NFIB: variants seen among roughly 807,000 people sequenced by gnomAD.
NFIB encodes the protein nuclear factor 1 B-type.
Under a neutral mutation model 61.5 loss-of-function variants are expected in NFIB, and 11 were observed. The observed-to-expected ratio is 0.18, with a 90% CI of 0.11 to 0.30. The LOEUF (loss-of-function observed/expected upper bound fraction) is 0.30. Among genes scored for constraint, NFIB ranks in the 10% least tolerant of loss-of-function variants. The pLI is 1.00. For synonymous variants in NFIB, 260 were observed against 216.5 expected (o/e 1.20, Z -1.76); for missense variants, 471 against 608.9 (o/e 0.77, Z 2.38).
intron 2 of NFIB, among the ~76,000 whole-genome samples, chr9:14,189,444 T>A (rs2047699173): frequency 6.6e-6 from 1 of 152,076 alleles, no homozygotes; most frequent in Non-Finnish European, 1.5e-5. Flanking sequence ...AGGTAAGAGT[T>A]TAGTCTTAGT....
chr9:14,157,521 T>C (rs1416928991), intron 3 of NFIB, among the ~76,000 whole-genome samples: 6 of 152,308 alleles, frequency 3.9e-5, no homozygotes, highest in African/African-American at 1.4e-4. Context: ...ATATACATTT[T>C]TAAGAGTATT....
the NFIB span, among the ~76,000 whole-genome samples, chr9:14,456,901 T>C: frequency 1.3e-5 from 2 of 152,172 alleles, no homozygotes; most frequent in Non-Finnish European, 2.9e-5. Context: ...AAATGCAGAA[T>C]TGTTTGCAAA....
intron 3 of NFIB, among the ~76,000 whole-genome samples, chr9:14,158,368 AC>A (rs2043714440): frequency 1.3e-5 from 2 of 151,954 alleles, no homozygotes; most frequent in Non-Finnish European, 2.9e-5. Flanking sequence ...TCCTTCTACC[AC>A]CCACTGGCCC....
chr9:14,119,206 C>T (rs2038597085), intron 8 of NFIB, among the ~76,000 whole-genome samples: 1 of 152,120 alleles, frequency 6.6e-6, no homozygotes, highest in African/African-American at 2.4e-5. Context: ...CATGAGCTGA[C>T]AACAAATTTT....
the NFIB span, among the ~76,000 whole-genome samples, chr9:14,490,920 G>C: frequency 6.6e-6 from 1 of 152,192 alleles, no homozygotes; most frequent in Non-Finnish European, 1.5e-5. Flanking sequence ...AATCTCCAGT[G>C]CAAAGAATGT....
Position 14,276,740 on chromosome 9 carries a change from G to A in NFIB, c.562+30249C>T, listed in dbSNP as rs140638583. Among the ~76,000 whole-genome samples, 294 of 152,052 alleles carry A rather than the reference G, an allele frequency of 1.9e-3. 2 individuals carry two copies. The highest frequency in any genetic ancestry group is 6.7e-3 in the African/African-American group (277 of 41,478). ...CTGACTTTAAAAATAATATTCATGC[G>A]AGGGAAAGCTGATCACACGAAAGGT... On this transcript the variant is annotated intron_variant, in intron 2 of 10. Transcript: ENST00000380953.
At chr9:14,399,396 A>G (rs1225880911), upstream of NFIB, among the ~76,000 whole-genome samples, 1 of 152,244 alleles carries the variant, frequency 6.6e-6, no homozygotes, top group East Asian at 1.9e-4. Context: ...CAGGAATTCT[A>G]AATAAAGTAT....
chr9:14,173,466 T>C lies in NFIB; in HGVS notation c.616+6261A>G, dbSNP rs76858730. 5.1e-3 allele frequency among the ~76,000 whole-genome samples: 773 copies of C among 152,220 alleles called. 5 individuals carry two copies. The highest frequency in any genetic ancestry group is 8.9e-3 in the Non-Finnish European group (606 of 68,012). On this transcript the variant is annotated intron_variant, in intron 3 of 10. Transcript: ENST00000380953. The stretch of plus-strand genomic sequence containing the variant: ...ATATATTATAATTATGTATATATTA[T>C]TTTGTAGATTTTATGAACAAAAACA...
At chr9:14,251,946 G>A (rs947799107) in intron 2 of NFIB, among the ~76,000 whole-genome samples, 2 of 152,180 alleles carry the variant, frequency 1.3e-5, no homozygotes, top group African/African-American at 4.8e-5. Context: ...GTGGGATTTA[G>A]TCACCGTTAT....
At chr9:14,527,767 A>C in the NFIB span, among the ~76,000 whole-genome samples, 1 of 152,186 alleles carries the variant, frequency 6.6e-6, no homozygotes, top group Non-Finnish European at 1.5e-5. Flanking sequence ...TGGTTATTAT[A>C]TGTATGGTAT....
Position 14,130,535 on chromosome 9 carries a change from T to C in NFIB, c.926-4769A>G, listed in dbSNP as rs76301044. Among the ~76,000 whole-genome samples, 834 of 152,320 alleles carry C rather than the reference T, an allele frequency of 5.5e-3. 10 individuals are homozygous for C. The highest frequency in any genetic ancestry group is 0.017 in the African/African-American group (726 of 41,576). On this transcript the variant is annotated intron_variant, in intron 6 of 10. Transcript: ENST00000380953. ...TTTGTTTGTATCTTATATTGCTTGA[T>C]GAATTTTTCATTGTTATTTACTTGT... is the stretch of plus-strand genomic sequence containing the variant.
chr9:14,431,190 A>G, the NFIB span, among the ~76,000 whole-genome samples: 1 of 152,318 alleles, frequency 6.6e-6, no homozygotes, highest in South Asian at 2.1e-4. Context: ...AGGAAACCCA[A>G]TGTCAGCAAA....
At chr9:14,161,144 T>A (rs1430678723) in intron 3 of NFIB, among the ~76,000 whole-genome samples, 3 of 152,168 alleles carry the variant, frequency 2.0e-5, no homozygotes, top group African/African-American at 7.2e-5. Context: ...CCATTGGTAA[T>A]TTTCTGGTAG....
intron 2 of NFIB, among the ~76,000 whole-genome samples, chr9:14,250,266 T>C (rs981604927): frequency 9.3e-6 from 1 of 107,446 alleles, no homozygotes; most frequent in East Asian, 2.0e-4. Flanking sequence ...GCATATAATA[T>C]CTTTTTTTGT....
intron 1 of NFIB, among the ~76,000 whole-genome samples, chr9:14,352,231 C>T (rs2061121420): frequency 6.6e-6 from 1 of 151,280 alleles, no homozygotes; most frequent in Admixed American, 6.6e-5. Context: ...TCCTACCCTG[C>T]TCCGTCTCCT....
the NFIB span, among the ~76,000 whole-genome samples, chr9:14,492,224 G>A: frequency 3.3e-5 from 5 of 151,934 alleles, no homozygotes; most frequent in East Asian, 1.9e-4. Flanking sequence ...TTAGCTGGGC[G>A]TGGTGGTGGG....
At chr9:14,494,396 C>A in the NFIB span, among the ~76,000 whole-genome samples, 5 of 152,156 alleles carry the variant, frequency 3.3e-5, no homozygotes, top group African/African-American at 9.7e-5. Flanking sequence ...TGTATACATG[C>A]CAAAGACGTA....
chr9:14,495,272 C>A, the NFIB span, among the ~76,000 whole-genome samples: 1 of 151,986 alleles, frequency 6.6e-6, no homozygotes, highest in Non-Finnish European at 1.5e-5. Flanking sequence ...TCTCCCACAC[C>A]CCTGGTTGTG....
At chr9:14,457,713 C>G in the NFIB span, among the ~76,000 whole-genome samples, 3 of 152,204 alleles carry the variant, frequency 2.0e-5, no homozygotes, top group East Asian at 5.8e-4. Flanking sequence ...GAAATACAAA[C>G]TACCATCAGA....
Sources: allele counts gnomAD v4.1 joint callset (sites outside exome capture counted in the v4.1 genomes callset), GRCh38; gene constraint gnomAD v4.1.1; transcripts MANE v1.5; gene names NCBI Gene and HGNC (gene_info 2026-07-23, HGNC 2026-07-21).